The following NTM variants were observed in gnomAD, a reference collection of about 807,000 sequenced individuals.
NTM encodes neurotrimin.
In NTM, 13 loss-of-function variants were observed where a neutral mutation model predicts 42.1. That is an observed-to-expected ratio of 0.31 (90% CI 0.20 to 0.49). The LOEUF (loss-of-function observed/expected upper bound fraction) is 0.49, where lower values mean the gene tolerates loss of function less well. NTM is among the 20% of genes least tolerant of loss of function. The pLI is 0.99. For synonymous variants in NTM, 187 were observed against 179.2 expected, an observed-to-expected ratio of 1.04 and a Z score of -0.35; for missense variants, 373 against 452.8, an observed-to-expected ratio of 0.82 and a Z score of 1.60.
At chr11:131,887,778 T>C (rs568965053) in intron 1 of NTM, among the ~76,000 whole-genome samples, 16 of 152,250 alleles carry the variant, frequency 1.1e-4, no homozygotes, top group Non-Finnish European at 1.8e-4. Context: ...CCTACTGCAC[T>C]GTTGTCCTTG....
At chr11:131,872,352 G>A (rs1210687875) in intron 1 of NTM, among the ~76,000 whole-genome samples, 1 of 152,168 alleles carries the variant, frequency 6.6e-6, no homozygotes, top group Non-Finnish European at 1.5e-5. Flanking sequence ...GACATACTGA[G>A]GAATACTTAG....
At chr11:132,219,038 T>C (rs555053478) in intron 4 of NTM, among the ~76,000 whole-genome samples, 5 of 152,142 alleles carry the variant, frequency 3.3e-5, no homozygotes, top group Non-Finnish European at 7.4e-5. Flanking sequence ...CATGATTTGG[T>C]TCTAGACCCC....
At chr11:132,255,474 C>A (rs1480303940) in intron 4 of NTM, among the ~76,000 whole-genome samples, 2 of 152,184 alleles carry the variant, frequency 1.3e-5, no homozygotes, top group African/African-American at 4.8e-5. Context: ...AACTCTGCTT[C>A]TGGGCTCCCA....
Position 132,002,629 on chromosome 11 carries a change from T to A in NTM, c.167+90981T>A, listed in dbSNP as rs1412905100. Among the ~76,000 whole-genome samples, 1 of 152,186 alleles carries A rather than the reference T, an allele frequency of 6.6e-6. No individual in the cohort carries two copies. The highest frequency in any genetic ancestry group is 1.5e-5 in the Non-Finnish European group (1 of 68,036). ...TAGTATCCCCAAACTTATGTTTTGT[T>A]TTTTCTTTTTCTCTTAGTATCCATG... On this transcript the variant is annotated intron_variant, in intron 2 of 8. Transcript: ENST00000683400. The surrounding 1 kb of genome is among the most constrained non-coding windows in gnomAD (Gnocchi z 4.5).
intron 1 of NTM, among the ~76,000 whole-genome samples, chr11:131,842,124 C>A (rs926719853): frequency 6.6e-6 from 1 of 152,206 alleles, no homozygotes; most frequent in Non-Finnish European, 1.5e-5. Flanking sequence ...TAGAGGAGCT[C>A]CTTTACAGAG....
intron 2 of NTM, among the ~76,000 whole-genome samples, chr11:131,928,716 C>G (rs1247628510): frequency 1.3e-5 from 2 of 150,550 alleles, no homozygotes; most frequent in Admixed American, 1.3e-4. Context: ...TCTGTGGTCT[C>G]CCGTCTGTGT....
At chr11:131,590,128 G>A (rs1260607277) in intron 1 of NTM, among the ~76,000 whole-genome samples, 1 of 152,178 alleles carries the variant, frequency 6.6e-6, no homozygotes, top group Non-Finnish European at 1.5e-5. Context: ...CGACCTTGCT[G>A]CTACTGGGAG....
chr11:131,547,577 G>A (rs929867303), intron 1 of NTM, among the ~76,000 whole-genome samples: 7 of 152,182 alleles, frequency 4.6e-5, no homozygotes, highest in Non-Finnish European at 7.3e-5. Flanking sequence ...GGTAAGAGGT[G>A]ATGTAAAGTG....
chr11:131,842,497 T>G (rs1463150694), intron 1 of NTM, among the ~76,000 whole-genome samples: 1 of 152,126 alleles, frequency 6.6e-6, no homozygotes, highest in Non-Finnish European at 1.5e-5. Context: ...GGCAGTAGTC[T>G]CCCATAAAAT....
At chr11:131,990,289 T>C (rs1187668565) in intron 2 of NTM, among the ~76,000 whole-genome samples, 1 of 152,184 alleles carries the variant, frequency 6.6e-6, no homozygotes, top group African/African-American at 2.4e-5. Flanking sequence ...CCATGCTGCA[T>C]ATGTAAGTGT....
intron 3 of NTM, among the ~76,000 whole-genome samples, chr11:132,207,536 T>C (rs2082173955): frequency 6.6e-6 from 1 of 152,202 alleles, no homozygotes; most frequent in African/African-American, 2.4e-5. Context: ...ATAATAAATG[T>C]AATGTGCTTG....
At chr11:131,410,781 G>A (rs750169471) in intron 1 of NTM, among the ~76,000 whole-genome samples, 5 of 152,004 alleles carry the variant, frequency 3.3e-5, no homozygotes, top group Admixed American at 6.5e-5. Context: ...ACCCATTTAT[G>A]CCTGGTGTTC....
intron 1 of NTM, among the ~76,000 whole-genome samples, chr11:131,866,829 T>C (rs575246808): frequency 6.6e-6 from 1 of 152,208 alleles, no homozygotes; most frequent in Non-Finnish European, 1.5e-5. Context: ...GTGATTTTTT[T>C]TGGCTTAAAA....
chr11:131,991,104 T>C (rs753974588), intron 2 of NTM, among the ~76,000 whole-genome samples: 1 of 152,204 alleles, frequency 6.6e-6, no homozygotes, highest in Non-Finnish European at 1.5e-5. Context: ...ATGGAGCAGA[T>C]GCAATGCCAT....
chr11:131,450,627 T>A (rs1401060222), intron 1 of NTM, among the ~76,000 whole-genome samples: 1 of 152,140 alleles, frequency 6.6e-6, no homozygotes, highest in Non-Finnish European at 1.5e-5. Context: ...ATTTTTCTGA[T>A]TAGACCACCG....
intron 4 of NTM, among the ~76,000 whole-genome samples, chr11:132,255,358 A>C (rs1591559627): frequency 6.6e-6 from 1 of 152,254 alleles, no homozygotes; most frequent in Admixed American, 6.5e-5. Context: ...CAGACTGCTA[A>C]AAACGGCTCT....
intron 1 of NTM, among the ~76,000 whole-genome samples, chr11:131,609,906 TGTTTTTCTTTTG>T (rs1565703963): frequency 6.6e-6 from 1 of 152,218 alleles, no homozygotes; most frequent in Non-Finnish European, 1.5e-5. Context: ...TCAGGTTACC[TGTTTTTCTTTTG>T]CTTCTACCCC....
chr11:131,623,296 C>T (rs1024828285), intron 1 of NTM, among the ~76,000 whole-genome samples: 4 of 152,208 alleles, frequency 2.6e-5, no homozygotes, highest in African/African-American at 4.8e-5. Context: ...GACATCCTAC[C>T]TCCCAGGACT....
chr11:132,245,208 C>G (rs1266114898), intron 4 of NTM, among the ~76,000 whole-genome samples: 1 of 152,140 alleles, frequency 6.6e-6, no homozygotes, highest in Non-Finnish European at 1.5e-5. Context: ...CGTGTGAAGT[C>G]TGTTTTCTTG....
Sources: allele counts gnomAD v4.1 joint callset (sites outside exome capture counted in the v4.1 genomes callset), GRCh38; gene constraint gnomAD v4.1.1; non-coding constraint Gnocchi (gnomAD v3.1); transcripts MANE v1.5; gene names NCBI Gene and HGNC (gene_info 2026-07-23, HGNC 2026-07-21).